TRAF3: variants seen among roughly 807,000 people sequenced by gnomAD.
The protein encoded by TRAF3 is TNF receptor-associated factor 3.
TRAF3 carries 13 observed loss-of-function variants against 62.3 expected under a neutral mutation model. The ratio of observed to expected loss-of-function variants is 0.21; its 90% CI spans 0.14 to 0.33. The LOEUF is 0.33. Ranked by LOEUF, TRAF3 falls within the 10% of genes least tolerant of loss-of-function variation. The pLI is 1.00. For synonymous variants in TRAF3, 269 were observed against 283.4 expected (o/e 0.95, Z 0.51); for missense variants, 440 against 741.8 (o/e 0.59, Z 4.73).
At chr14:102,885,272 C>G (rs1886808397) in intron 6 of TRAF3, among the ~76,000 whole-genome samples, 4 of 152,218 alleles carry the variant, frequency 2.6e-5, no homozygotes, top group South Asian at 2.1e-4. Flanking sequence ...CTCAGCAAAT[C>G]CCTCCCCAGT....
chr14:102,786,001 G>T (rs1046369797), intron 1 of TRAF3, among the ~76,000 whole-genome samples: 10 of 152,260 alleles, frequency 6.6e-5, no homozygotes, highest in Admixed American at 6.5e-4. Flanking sequence ...AGGTCTCTAG[G>T]GTTGAGACGA....
intron 1 of TRAF3, 77 bp downstream of exon 1, chr14:102,777,752 C>T (rs1157919312): frequency 1.4e-5 from 2 of 144,636 alleles, no homozygotes; most frequent in Non-Finnish European, 3.1e-5. Context: ...CATCCCGCGC[C>T]CTGGGCGGCG....
At chr14:102,809,320 G>A (rs1006669999) in intron 1 of TRAF3, among the ~76,000 whole-genome samples, 20 of 151,606 alleles carry the variant, frequency 1.3e-4, no homozygotes, top group South Asian at 2.1e-4. Flanking sequence ...TAGTAGAGAC[G>A]GGGTTTCACC....
intron 1 of TRAF3, among the ~76,000 whole-genome samples, chr14:102,795,267 G>GA (rs1898010592): frequency 6.6e-6 from 1 of 152,208 alleles, no homozygotes; most frequent in South Asian, 2.1e-4. Flanking sequence ...ACAGAGAAGT[G>GA]AGGGAGTGGT....
intron 2 of TRAF3, among the ~76,000 whole-genome samples, chr14:102,839,210 CTTTTTT>C (rs56998347): frequency 1.3e-3 from 118 of 89,826 alleles, no homozygotes; most frequent in African/African-American, 2.8e-3. Context: ...GTTGATTTGC[CTTTTTT>C]TTTTTTTTTT....
intron 7 of TRAF3, 107 bp from the exon 8 acceptor site, chr14:102,889,453 A>G: frequency 8.6e-7 from 1 of 1,167,752 alleles, no homozygotes; most frequent in Non-Finnish European, 1.3e-6. Flanking sequence ...CTGTAGCGAT[A>G]AACACCATTC....
At chr14:102,796,068 T>G (rs1226605110) in intron 1 of TRAF3, among the ~76,000 whole-genome samples, 3 of 152,004 alleles carry the variant, frequency 2.0e-5, no homozygotes, top group Non-Finnish European at 4.4e-5. Context: ...AATACAAAAA[T>G]TAGCCGGGTG....
At chr14:102,812,459 G>A (rs995057811) in intron 1 of TRAF3, among the ~76,000 whole-genome samples, 1 of 152,044 alleles carries the variant, frequency 6.6e-6, no homozygotes, top group Admixed American at 6.6e-5. Flanking sequence ...GTAAATATGG[G>A]GTATAGATGT....
intron 2 of TRAF3, among the ~76,000 whole-genome samples, chr14:102,869,086 C>A (rs1464576472): frequency 1.3e-5 from 2 of 152,216 alleles, no homozygotes; most frequent in Non-Finnish European, 2.9e-5. Context: ...AACCCGAGCC[C>A]CCTCATGCAC....
chr14:102,855,820 G>T (rs939598110), intron 2 of TRAF3, among the ~76,000 whole-genome samples: 2 of 150,394 alleles, frequency 1.3e-5, no homozygotes, highest in African/African-American at 4.9e-5. Context: ...GGCCAGGTAC[G>T]TTGGCTCATG....
At chr14:102,785,798 G>A (rs759155133) in intron 1 of TRAF3, among the ~76,000 whole-genome samples, 6 of 152,196 alleles carry the variant, frequency 3.9e-5, no homozygotes, top group Non-Finnish European at 8.8e-5. Context: ...ATGGCCATTT[G>A]TACCTGCTCC....
chr14:102,825,245 T>G (rs151086562), intron 1 of TRAF3, among the ~76,000 whole-genome samples: 1 of 152,298 alleles, frequency 6.6e-6, no homozygotes, highest in South Asian at 2.1e-4. Context: ...ACTTGGAAAG[T>G]GATTTCTCCT....
intron 1 of TRAF3, among the ~76,000 whole-genome samples, chr14:102,828,212 C>T (rs538284595): frequency 2.6e-5 from 4 of 152,224 alleles, no homozygotes; most frequent in Admixed American, 1.3e-4. Context: ...AAGACTGCTT[C>T]CTGTGCCAGA....
intron 2 of TRAF3, among the ~76,000 whole-genome samples, chr14:102,858,276 T>C (rs1278016715): frequency 2.0e-5 from 3 of 152,042 alleles, no homozygotes; most frequent in Non-Finnish European, 4.4e-5. Context: ...CTCAGCCTCC[T>C]GAGTAGCTGG....
At position 102,839,762 on chromosome 14, in the gene TRAF3, A is replaced by G. The variant is rs114225914; in HGVS notation, c.-18+9290A>G. ...GTTCTCATAGTATCTTCCTGTCTAC[A>G]CAGTGCATTTGTTTACTAATTTATA... On this transcript the variant is annotated intron_variant, in intron 2 of 11. Coordinates refer to ENST00000392745, the MANE Select transcript of TRAF3 (RefSeq NM_145725.3). Among the ~76,000 whole-genome samples, 3 of 152,210 alleles carry G rather than the reference A, an allele frequency of 2.0e-5. No individual in the cohort carries two copies. In the East Asian group the frequency reaches 5.8e-4, roughly 29 times the overall value.
In TRAF3 at chr14:102,858,191, G is replaced by A. The variant is rs569756556; in HGVS notation, c.-17-11994G>A. Among the ~76,000 whole-genome samples, 16 of 149,678 alleles carry A rather than the reference G, an allele frequency of 1.1e-4. No individual in the cohort carries two copies. In the East Asian group the frequency reaches 2.0e-3, roughly 18 times the overall value. ...TTTCTTGAGACAGTCTCACTCTGTCGCCCAGGCTGGCATGCAATGGCGTGA... is the reference window on the plus strand; with the variant it reads ...TTTCTTGAGACAGTCTCACTCTGTCACCCAGGCTGGCATGCAATGGCGTGA... On this transcript the variant is annotated intron_variant, in intron 2 of 11. Coordinates refer to ENST00000392745, the MANE Select transcript of TRAF3 (RefSeq NM_145725.3).
intron 2 of TRAF3, among the ~76,000 whole-genome samples, chr14:102,843,104 G>A (rs754140443): frequency 3.6e-4 from 55 of 151,566 alleles, no homozygotes; most frequent in Non-Finnish European, 7.4e-4. Flanking sequence ...TCAGGAGGCC[G>A]AGACAGGAGA....
intron 1 of TRAF3, among the ~76,000 whole-genome samples, chr14:102,811,721 C>T (rs1463944735): frequency 9.2e-6 from 1 of 108,574 alleles, no homozygotes; most frequent in Non-Finnish European, 1.9e-5. Context: ...GATACTGCTA[C>T]AGCAGTAGTG....
At chr14:102,790,303 C>G (rs1897726747) in intron 1 of TRAF3, among the ~76,000 whole-genome samples, 1 of 152,120 alleles carries the variant, frequency 6.6e-6, no homozygotes, top group South Asian at 2.1e-4. Flanking sequence ...TCTTGGCACC[C>G]TTGTTAAAAA....
Sources: gnomAD v4.1 joint callset for allele counts (sites outside exome capture counted in the v4.1 genomes callset) on GRCh38, gnomAD v4.1.1 for gene constraint, MANE v1.5 for transcripts, NCBI Gene and HGNC (gene_info 2026-07-23, HGNC 2026-07-21) for gene names.